OR1J2: variants seen among roughly 807,000 people sequenced by gnomAD.
OR1J2 encodes olfactory receptor family 1 subfamily J member 2, also known as olfactory receptor 1J2.
For synonymous variants in OR1J2, 142 were observed against 99.7 expected (o/e 1.42, Z -2.52); for missense variants, 304 against 246.1 (o/e 1.24, Z -1.57).
Position 122,510,891 on chromosome 9 carries a change from G to A in OR1J2, c.90G>A (p.Leu30=), listed in dbSNP as rs1321524854. The part of the protein sequence containing the change: ...RPEQQAVFFT[L]FLGMYLTTVL... Reference sequence around the variant, plus strand: ...AGCAGCAGGCTGTGTTCTTCACCCTGTTCCTGGGCATGTACCTGACCACGG... The same window carrying A: ...AGCAGCAGGCTGTGTTCTTCACCCTATTCCTGGGCATGTACCTGACCACGG... Residue 30 remains leucine (L), a synonymous_variant, in exon 1 of 1, where the codon CTG becomes CTA. Transcript: ENST00000335302. 1 of 1,611,762 alleles carries A rather than the reference G, an allele frequency of 6.2e-7. No homozygotes were observed. Among genetic ancestry groups the A allele is most frequent in the African/African-American group, 1.3e-5 (1 of 74,962 alleles).
chr9:122,564,588 G>A, the OR1J2 span, among the ~76,000 whole-genome samples: 1 of 152,296 alleles, frequency 6.6e-6, no homozygotes, highest in African/African-American at 2.4e-5. Context: ...TTCCTATTTG[G>A]CCTGTGCAGA....
At chr9:122,568,173 A>G in the OR1J2 span, 2 of 1,614,194 alleles carry the variant, frequency 1.2e-6, no homozygotes, top group African/African-American at 1.3e-5. Flanking sequence ...GAGAAAATAC[A>G]TCTGTGTCAG....
chr9:122,485,289 A>G, the OR1J2 span, among the ~76,000 whole-genome samples: 2 of 152,212 alleles, frequency 1.3e-5, no homozygotes, highest in African/African-American at 2.4e-5. Flanking sequence ...ATGCTTTACT[A>G]TTAATCCCAG....
chr9:122,531,271 C>T, the OR1J2 span, among the ~76,000 whole-genome samples: 3 of 152,092 alleles, frequency 2.0e-5, no homozygotes, highest in African/African-American at 4.8e-5. Flanking sequence ...CATAGCCTTG[C>T]CAGCAAAGAT....
downstream of OR1J2, among the ~76,000 whole-genome samples, chr9:122,512,851 T>C (rs1828655890): frequency 6.6e-6 from 1 of 152,208 alleles, no homozygotes; most frequent in Non-Finnish European, 1.5e-5. Flanking sequence ...TCACTCAAAA[T>C]GCTCTGATTT....
the OR1J2 span, chr9:122,519,561 T>C: frequency 1.2e-6 from 2 of 1,614,190 alleles, no homozygotes; most frequent in Non-Finnish European, 1.7e-6. Context: ...AGAGGGACTG[T>C]GTAACTTACT....
the OR1J2 span, among the ~76,000 whole-genome samples, chr9:122,470,213 G>T: frequency 6.6e-6 from 1 of 152,188 alleles, no homozygotes; most frequent in Non-Finnish European, 1.5e-5. Context: ...GGTTTTGTGG[G>T]CAGGGCCCAG....
At chr9:122,507,002 A>AT (rs1828532976), upstream of OR1J2, among the ~76,000 whole-genome samples, 1 of 152,198 alleles carries the variant, frequency 6.6e-6, no homozygotes, top group Non-Finnish European at 1.5e-5. Flanking sequence ...TTCATTGGCT[A>AT]TAAAAATTAT....
At chr9:122,475,654 G>T in the OR1J2 span, 1 of 152,050 alleles carries the variant, frequency 6.6e-6, no homozygotes, top group African/African-American at 2.4e-5. Context: ...TCTTCATTTT[G>T]TGTGTCACAA....
upstream of OR1J2, chr9:122,510,756 C>G: frequency 9.2e-7 from 1 of 1,090,524 alleles, no homozygotes; most frequent in South Asian, 1.6e-5. Flanking sequence ...TTCAGAGCCT[C>G]TAATATTCTC....
At chr9:122,504,824 T>C in the OR1J2 span, among the ~76,000 whole-genome samples, 1 of 152,116 alleles carries the variant, frequency 6.6e-6, no homozygotes, top group South Asian at 2.1e-4. Context: ...GCTCCCTGCA[T>C]CCTGTATCTG....
chr9:122,568,436 G>T, the OR1J2 span: 2 of 1,610,274 alleles, frequency 1.2e-6, no homozygotes, highest in African/African-American at 2.7e-5. Flanking sequence ...GTCCCAGGAG[G>T]ATAAACTCGG....
chr9:122,496,676 A>G, the OR1J2 span, among the ~76,000 whole-genome samples: 8 of 152,282 alleles, frequency 5.3e-5, no homozygotes, highest in East Asian at 5.8e-4. Context: ...TGTAAGATGA[A>G]CATTGGTTTG....
At chr9:122,560,935 C>T in the OR1J2 span, among the ~76,000 whole-genome samples, 1 of 152,138 alleles carries the variant, frequency 6.6e-6, no homozygotes, top group East Asian at 1.9e-4. Flanking sequence ...CATCTTGGTT[C>T]CATTCTTCCC....
the OR1J2 span, among the ~76,000 whole-genome samples, chr9:122,496,997 G>A: frequency 2.0e-5 from 3 of 152,030 alleles, no homozygotes; most frequent in Non-Finnish European, 2.9e-5. Context: ...CTGCTCCCAC[G>A]CAGCATGCAT....
chr9:122,487,834 G>A, the OR1J2 span, among the ~76,000 whole-genome samples: 1 of 152,134 alleles, frequency 6.6e-6, no homozygotes, highest in Non-Finnish European at 1.5e-5. Context: ...ACCAAGGACA[G>A]TCAACTCCTA....
At chr9:122,451,980 G>A in the OR1J2 span, among the ~76,000 whole-genome samples, 20 of 152,218 alleles carry the variant, frequency 1.3e-4, no homozygotes, top group South Asian at 3.3e-3. Flanking sequence ...CCGGGTTCAC[G>A]CCATTCTCCT....
chr9:122,453,007 A>T, the OR1J2 span, among the ~76,000 whole-genome samples: 3 of 146,004 alleles, frequency 2.1e-5, no homozygotes, highest in Admixed American at 7.0e-5. Flanking sequence ...CAGACTGGGC[A>T]ACAAGAGCAA....
chr9:122,503,199 T>A, the OR1J2 span, among the ~76,000 whole-genome samples: 1 of 152,194 alleles, frequency 6.6e-6, no homozygotes, highest in African/African-American at 2.4e-5. Flanking sequence ...TGAATAGTGG[T>A]AGTGGCTAAG....
Sources: gnomAD v4.1 joint callset for allele counts (sites outside exome capture counted in the v4.1 genomes callset) on GRCh38, gnomAD v4.1.1 for gene constraint, MANE v1.5 for transcripts, NCBI Gene and HGNC (gene_info 2026-07-23, HGNC 2026-07-21) for gene names.